Variants in B3GNT6 observed in about 807,000 individuals in gnomAD.
B3GNT6 encodes acetylgalactosaminyl-O-glycosyl-glycoprotein beta-1,3-N-acetylglucosaminyltransferase.
For synonymous variants in B3GNT6, 300 were observed against 270.0 expected, an observed-to-expected ratio of 1.11 and a Z score of -1.09; for missense variants, 624 against 568.6, an observed-to-expected ratio of 1.10 and a Z score of -0.99.
chr11:77,039,969 T>TG lies in B3GNT6; in HGVS notation c.423dup (p.Gln142AlafsTer237). ...GCGACGCGAGCTCATCCGGCGCACG[T>TG]GGGGGCAAGAGCGCAGCTACGGCGG... On this transcript the variant is annotated frameshift_variant, in exon 2 of 2. Coordinates refer to ENST00000622824, the MANE Select transcript of B3GNT6 (RefSeq NM_138706.5). LOFTEE classifies it low-confidence loss of function (END_TRUNC). 3 of 1,590,304 alleles carry TG rather than the reference T, an allele frequency of 1.9e-6. No homozygotes were observed. Among genetic ancestry groups the TG allele is most frequent in the Non-Finnish European group, 2.6e-6 (3 of 1,176,028 alleles).
chr11:77,039,456 A>G, intron 1 of B3GNT6, 96 bp from the exon 2 acceptor site: 2 of 1,498,212 alleles, frequency 1.3e-6, no homozygotes, highest in Middle Eastern at 1.8e-4. Context: ...AAGGGGCTGG[A>G]GCTGGGTTCT....
In B3GNT6 at chr11:77,040,667, C is replaced by A; in HGVS notation, c.1116C>A (p.Ser372Arg). The change falls in exon 2 of 2, where the codon AGC becomes AGA. Residue 372 changes from serine (S) to arginine (R), a missense_variant. Ser to Arg is a moderately radical substitution (Grantham distance 110, BLOSUM62 -1). Transcript: ENST00000622824. Reference protein sequence around the residue: ...EMLLMWKALHSPALSCDRGHR... With the variant: ...EMLLMWKALHRPALSCDRGHR... ...TGCTCATGTGGAAGGCGCTGCACAGCCCCGCGCTCAGCTGTGACCGGGGAC... is the reference window on the plus strand; with the variant it reads ...TGCTCATGTGGAAGGCGCTGCACAGACCCGCGCTCAGCTGTGACCGGGGAC... 6.3e-7 allele frequency: 1 copy of A among 1,598,066 alleles called. No individual in the cohort carries two copies. Among genetic ancestry groups the A allele is most frequent in the East Asian group, 2.2e-5 (1 of 44,786 alleles).
In B3GNT6 at chr11:77,039,887, C is replaced by A; in HGVS notation, c.336C>A (p.Ala112=). Residue 112 remains alanine (A), a synonymous_variant, in exon 2 of 2, where the codon GCC becomes GCA. Transcript: ENST00000622824. ...TTTGGGACGCACCGGCCAAGTGCGC[C>A]GGCGGCCGAGGCGTGTTCCTGCTCC... is the stretch of plus-strand genomic sequence containing the variant. ...PLLWDAPAKC[A]GGRGVFLLLA... 2 of 1,590,538 alleles carry A rather than the reference C, an allele frequency of 1.3e-6. No individual in the cohort carries two copies. Among genetic ancestry groups the A allele is most frequent in the Non-Finnish European group, 1.7e-6 (2 of 1,176,002 alleles).
In B3GNT6 at chr11:77,040,668, C is replaced by A; in HGVS notation, c.1117C>A (p.Pro373Thr). 1 of 1,598,208 alleles carries A rather than the reference C, an allele frequency of 6.3e-7. No individual in the cohort carries two copies. The highest frequency in any genetic ancestry group is 8.5e-7 in the Non-Finnish European group (1 of 1,177,764). The change falls in exon 2 of 2, where the codon CCC (proline) becomes ACC (threonine). Residue 373 changes from proline to threonine, a missense_variant. By Grantham distance (38) the Pro-to-Thr change is conservative. Transcript: ENST00000622824. The stretch of plus-strand genomic sequence containing the variant: ...GCTCATGTGGAAGGCGCTGCACAGC[C>A]CCGCGCTCAGCTGTGACCGGGGACA... ...MLLMWKALHS[P>T]ALSCDRGHRV...
intron 1 of B3GNT6, among the ~76,000 whole-genome samples, chr11:77,038,307 C>T (rs1949655066): frequency 6.6e-6 from 1 of 151,108 alleles, no homozygotes; most frequent in Non-Finnish European, 1.5e-5. Flanking sequence ...TGCCTGTAAT[C>T]CCAGCACTTT....
In B3GNT6 at chr11:77,040,173, C is replaced by T. The variant is rs782775018; in HGVS notation, c.622C>T (p.Leu208=). Residue 208 remains leucine, a synonymous_variant, in exon 2 of 2, where the codon CTG becomes TTG. Coordinates refer to ENST00000622824, the MANE Select transcript of B3GNT6 (RefSeq NM_138706.5). ...TLKHLHLLDW[L]AARCPHARFL... ...CAAGCACCTGCACTTGCTCGACTGG[C>T]TGGCTGCACGCTGCCCGCACGCGCG... The T allele has an allele frequency of 1.3e-6, 2 of 1,599,396 alleles. No individual in the cohort carries two copies. The highest frequency in any genetic ancestry group is 2.2e-5 in the South Asian group (2 of 91,064).
In B3GNT6 at chr11:77,040,572, C is replaced by G; in HGVS notation, c.1021C>G (p.Gln341Glu). The G allele has an allele frequency of 1.9e-6, 3 of 1,589,562 alleles. No homozygotes were observed. The highest frequency in any genetic ancestry group is 2.6e-6 in the Non-Finnish European group (3 of 1,175,250). Residue 341 changes from glutamine (Q) to glutamate (E), a missense_variant, in exon 2 of 2, where the codon CAG becomes GAG. Physicochemically the swap from Gln to Glu is conservative, Grantham distance 29 (BLOSUM62 2). Coordinates refer to ENST00000622824, the MANE Select transcript of B3GNT6 (RefSeq NM_138706.5). The part of the protein sequence containing the change: ...PFGVQLPGAQ[Q>E]SSFDPCMYRE... The stretch of plus-strand genomic sequence containing the variant: ...CGGCGTGCAGCTGCCTGGCGCACAG[C>G]AGTCCTCCTTCGACCCCTGCATGTA...
At chr11:77,035,058 C>A (rs1346487120) in intron 1 of B3GNT6, among the ~76,000 whole-genome samples, 1 of 152,130 alleles carries the variant, frequency 6.6e-6, no homozygotes, top group Non-Finnish European at 1.5e-5. Flanking sequence ...ACTAGAGAGG[C>A]TGAGGCAGGA....
chr11:77,034,734 C>T (rs527583826), intron 1 of B3GNT6, among the ~76,000 whole-genome samples: 121 of 152,252 alleles, frequency 7.9e-4, no homozygotes, highest in African/African-American at 2.7e-3. Context: ...TTCTGCTATA[C>T]GAATATTCCT....
chr11:77,035,069 G>T (rs1162036641), intron 1 of B3GNT6, among the ~76,000 whole-genome samples: 1 of 152,210 alleles, frequency 6.6e-6, no homozygotes, highest in African/African-American at 2.4e-5. Flanking sequence ...TGAGGCAGGA[G>T]AATCACTTGA....
Position 77,039,642 on chromosome 11 carries a change from C to T in B3GNT6, c.91C>T (p.Leu31Phe). ...VSFLALQQWF[L>F]QAPRSPREER... ...TTTCTTAGCACTGCAGCAGTGGTTCCTCCAGGCGCCAAGGTCCCCGCGGGA... is the reference window on the plus strand; with the variant it reads ...TTTCTTAGCACTGCAGCAGTGGTTCTTCCAGGCGCCAAGGTCCCCGCGGGA... Residue 31 changes from leucine to phenylalanine, a missense_variant, in exon 2 of 2, where the codon CTC (leucine) becomes TTC (phenylalanine). Transcript: ENST00000622824. 1.9e-6 allele frequency: 3 copies of T among 1,613,252 alleles called. No homozygotes were observed. The highest frequency in any genetic ancestry group is 2.5e-6 in the Non-Finnish European group (3 of 1,179,680).
chr11:77,037,645 T>C (rs1395040164), intron 1 of B3GNT6, among the ~76,000 whole-genome samples: 1 of 151,620 alleles, frequency 6.6e-6, no homozygotes, highest in Admixed American at 6.6e-5. Flanking sequence ...GTGCGGTGGC[T>C]CACACCTGTA....
Position 77,040,869 on chromosome 11 carries a change from T to C in B3GNT6, c.*163T>C, listed in dbSNP as rs11237063. 6.9e-5 allele frequency: 81 copies of C among 1,179,102 alleles called. No homozygotes were observed. The East Asian group carries it at 2.1e-3, about 31-fold the overall frequency. The allele number at this position is 1,179,102 out of a possible 1,614,324, so 73.0% of individuals were successfully genotyped here. ...GGGGGTGTGGAAAATGCCTACATCC[T>C]GGCTCCATCTCCCGAAGTTTCGATT... On this transcript the variant is annotated 3_prime_UTR_variant, in exon 2 of 2. Transcript: ENST00000622824.
Position 77,040,305 on chromosome 11 carries a change from G to C in B3GNT6, c.754G>C (p.Glu252Gln). Reference sequence around the variant, plus strand: ...CCACCTGTTCTCCGGCCAGCTCATGGAGGGCTCCGTGCCCATCCGCGACAG... The same window carrying C: ...CCACCTGTTCTCCGGCCAGCTCATGCAGGGCTCCGTGCCCATCCGCGACAG... ...GRHLFSGQLM[E>Q]GSVPIRDSWS... Residue 252 changes from glutamate (E) to glutamine (Q), a missense_variant, in exon 2 of 2, where the codon GAG becomes CAG. Glu to Gln is a conservative substitution (Grantham distance 29). Coordinates refer to ENST00000622824, the MANE Select transcript of B3GNT6 (RefSeq NM_138706.5). The C allele has an allele frequency of 6.3e-7, 1 of 1,584,144 alleles. No homozygotes were observed. The highest frequency in any genetic ancestry group is 8.5e-7 in the Non-Finnish European group (1 of 1,173,082).
chr11:77,035,964 T>C (rs1281027594), intron 1 of B3GNT6, among the ~76,000 whole-genome samples: 1 of 152,268 alleles, frequency 6.6e-6, no homozygotes, highest in Non-Finnish European at 1.5e-5. Context: ...TTTTAACTAG[T>C]ATTTGTGTAG....
Position 77,040,051 on chromosome 11 carries a change from G to C in B3GNT6, c.500G>C (p.Arg167Pro), listed in dbSNP as rs1382337091. 6.3e-7 allele frequency: 1 copy of C among 1,582,502 alleles called. No homozygotes were observed. Among genetic ancestry groups the C allele is most frequent in the East Asian group, 2.3e-5 (1 of 43,898 alleles). ...ACCCCGGGCCCCGAGGACGAGGCGC[G>C]CGCGGAGCGGCTGGCGGAGCTGGTG... ...LGTPGPEDEARAERLAELVAL... is the reference protein window; with the variant it reads ...LGTPGPEDEAPAERLAELVAL... The change falls in exon 2 of 2, where the codon CGC becomes CCC. Residue 167 changes from arginine (R) to proline (P), a missense_variant. Coordinates refer to ENST00000622824, the MANE Select transcript of B3GNT6 (RefSeq NM_138706.5).
At position 77,040,466 on chromosome 11, in the gene B3GNT6, C is replaced by A. The variant is rs1258113368; in HGVS notation, c.915C>A (p.Phe305Leu). The change falls in exon 2 of 2, where the codon TTC becomes TTA. Residue 305 changes from phenylalanine (F) to leucine (L), a missense_variant. Physicochemically the swap from Phe to Leu is conservative, Grantham distance 22. Transcript: ENST00000622824. ...CGGCCGCCCGCCACACCCCGCTCTTCCCCATCGACGACGCCTACATGGGCA... is the reference window on the plus strand; with the variant it reads ...CGGCCGCCCGCCACACCCCGCTCTTACCCATCGACGACGCCTACATGGGCA... ...LRAAARHTPLFPIDDAYMGMC... is the reference protein window; with the variant it reads ...LRAAARHTPLLPIDDAYMGMC... 11 of 1,536,518 alleles carry A rather than the reference C, an allele frequency of 7.2e-6. No individual in the cohort carries two copies. The highest frequency in any genetic ancestry group is 2.7e-5 in the African/African-American group (2 of 73,030).
chr11:77,035,208 T>C (rs1555026796), intron 1 of B3GNT6, among the ~76,000 whole-genome samples: 1 of 151,970 alleles, frequency 6.6e-6, no homozygotes, highest in Non-Finnish European at 1.5e-5. Context: ...ATAAACAGAG[T>C]GAGAAATGCC....
chr11:77,040,040 G>A lies in B3GNT6; in HGVS notation c.489G>A (p.Glu163=), dbSNP rs782357846. 2 of 1,581,584 alleles carry A rather than the reference G, an allele frequency of 1.3e-6. No individual in the cohort carries two copies. The highest frequency in any genetic ancestry group is 2.3e-5 in the South Asian group (2 of 88,846). The change falls in exon 2 of 2, where the codon GAG becomes GAA. Residue 163 remains glutamate (E), a synonymous_variant. Transcript: ENST00000622824. The part of the protein sequence containing the change: ...RLFLLGTPGP[E]DEARAERLAE... Reference sequence around the variant, plus strand: ...TTCTATTGGGCACCCCGGGCCCCGAGGACGAGGCGCGCGCGGAGCGGCTGG... The same window carrying A: ...TTCTATTGGGCACCCCGGGCCCCGAAGACGAGGCGCGCGCGGAGCGGCTGG...
Sources: allele counts gnomAD v4.1 joint callset (sites outside exome capture counted in the v4.1 genomes callset), GRCh38; gene constraint gnomAD v4.1.1; transcripts MANE v1.5; gene names NCBI Gene and HGNC (gene_info 2026-07-23, HGNC 2026-07-21).